MGAT4C: variants seen among roughly 807,000 people sequenced by gnomAD.
MGAT4C encodes the protein alpha-1,3-mannosyl-glycoprotein 4-beta-N-acetylglucosaminyltransferase C.
A neutral mutation model predicts 40.1 loss-of-function variants in MGAT4C; 19 were observed. The ratio of observed to expected loss-of-function variants is 0.47; its 90% confidence interval spans 0.33 to 0.70. MGAT4C has a LOEUF of 0.70. Ranked by LOEUF, MGAT4C falls within the 30% of genes least tolerant of loss-of-function variation. The pLI is 0.02. For missense variants in MGAT4C, 491 were observed against 563.2 expected, an observed-to-expected ratio of 0.87 and a Z score of 1.30; for synonymous variants, 181 against 187.1, an observed-to-expected ratio of 0.97 and a Z score of 0.27.
chr12:86,477,009 A>G lies in MGAT4C; in HGVS notation c.-228-41744T>C, dbSNP rs75028860. Among the ~76,000 whole-genome samples, 18 of 152,204 alleles carry G rather than the reference A, an allele frequency of 1.2e-4. No homozygotes were observed. The East Asian group carries it at 2.9e-3, about 25-fold the overall frequency. On this transcript the variant is annotated intron_variant, in intron 2 of 7. Coordinates refer to the MGAT4C transcript ENST00000548651. ...GACCATCTGGGTGATGGAACCATCC[A>G]TATCACAAACCTCAGCATCATGCAA... is the stretch of plus-strand genomic sequence containing the variant.
At chr12:86,135,062 T>C (rs1422093615) in intron 1 of MGAT4C, among the ~76,000 whole-genome samples, 1 of 152,142 alleles carries the variant, frequency 6.6e-6, no homozygotes, top group Admixed American at 6.5e-5. Context: ...TGAAATGCCA[T>C]TGAACTATAC....
At chr12:86,077,072 G>C (rs1315619569) in intron 1 of MGAT4C, among the ~76,000 whole-genome samples, 1 of 151,942 alleles carries the variant, frequency 6.6e-6, no homozygotes, top group Non-Finnish European at 1.5e-5. Context: ...ATTAAGGGTG[G>C]GTCTGCCTTT....
chr12:86,668,343 T>A (rs1196587217), intron 2 of MGAT4C, among the ~76,000 whole-genome samples: 1 of 152,176 alleles, frequency 6.6e-6, no homozygotes, highest in Non-Finnish European at 1.5e-5. Flanking sequence ...AGATAAAAGT[T>A]AGTGAAGTCC....
intron 1 of MGAT4C, among the ~76,000 whole-genome samples, chr12:86,055,855 A>G (rs1893336285): frequency 6.6e-6 from 1 of 152,104 alleles, no homozygotes; most frequent in East Asian, 1.9e-4. Context: ...TCTCTCTTTC[A>G]GCCTCAGCTC....
intron 2 of MGAT4C, among the ~76,000 whole-genome samples, chr12:86,626,474 C>G (rs977896620): frequency 1.3e-5 from 2 of 152,064 alleles, no homozygotes; most frequent in African/African-American, 4.8e-5. Context: ...ACAACTTATG[C>G]TGTTGTAGTT....
At chr12:86,645,949 T>C (rs1019830967) in intron 2 of MGAT4C, among the ~76,000 whole-genome samples, 1 of 151,902 alleles carries the variant, frequency 6.6e-6, no homozygotes, top group Non-Finnish European at 1.5e-5. Context: ...AATTAATCTA[T>C]ATATTCAGTA....
intron 2 of MGAT4C, among the ~76,000 whole-genome samples, chr12:86,502,626 TATATGATTTCTGCTCATATATATAC>T (rs1481473537): frequency 2.5e-4 from 37 of 149,332 alleles, no homozygotes; most frequent in South Asian, 8.6e-4. Flanking sequence ...TGTATATATA[TATATGATTTCTGCTCATATATATAC>T]ATGATTTCTG....
intron 1 of MGAT4C, among the ~76,000 whole-genome samples, chr12:86,132,791 C>CAAAAAAAAAAAAAAA (rs60321690): frequency 7.5e-5 from 7 of 93,728 alleles, no homozygotes; most frequent in Non-Finnish European, 1.0e-4. Flanking sequence ...GACTCCGTCT[C>CAAAAAAAAAAAAAAA]AAAAAAAAAA....
At chr12:86,079,711 A>G (rs1214430854) in intron 1 of MGAT4C, among the ~76,000 whole-genome samples, 2 of 151,894 alleles carry the variant, frequency 1.3e-5, no homozygotes, top group African/African-American at 2.4e-5. Context: ...AAGTTTAACA[A>G]TAATGTATAT....
rs140639391 is a variant in MGAT4C, at chr12:86,377,605, A to G, written c.-119-43478T>C. On this transcript the variant is annotated intron_variant, in intron 3 of 7. Coordinates refer to the MGAT4C transcript ENST00000548651. Reference sequence around the variant, plus strand: ...TTTTAACAGTGACACACTTAAGAATATACTTAGACTTTTTCATCCCTTTGA... The same window carrying G: ...TTTTAACAGTGACACACTTAAGAATGTACTTAGACTTTTTCATCCCTTTGA... Among the ~76,000 whole-genome samples, 458 of 152,324 alleles carry G rather than the reference A, an allele frequency of 3.0e-3. 1 individual carries two copies. Among genetic ancestry groups the G allele is most frequent in the African/African-American group, 0.01 (428 of 41,578 alleles).
At chr12:86,636,857 T>C (rs1963233992) in intron 2 of MGAT4C, among the ~76,000 whole-genome samples, 1 of 152,024 alleles carries the variant, frequency 6.6e-6, no homozygotes, top group Admixed American at 6.6e-5. Context: ...ATTTACATGG[T>C]CAATATTATA....
chr12:86,557,090 A>AT (rs1489853415), intron 2 of MGAT4C, among the ~76,000 whole-genome samples: 1 of 152,148 alleles, frequency 6.6e-6, no homozygotes, highest in Non-Finnish European at 1.5e-5. Flanking sequence ...AATTTTCTTC[A>AT]TTGTTTTTAT....
At chr12:86,194,611 T>C (rs1949726497) in intron 1 of MGAT4C, among the ~76,000 whole-genome samples, 1 of 150,494 alleles carries the variant, frequency 6.6e-6, no homozygotes, top group Non-Finnish European at 1.5e-5. Context: ...CCTGGCACCA[T>C]GCCCAACTAA....
At chr12:86,286,001 T>A (rs1763872558) in intron 4 of MGAT4C, among the ~76,000 whole-genome samples, 1 of 152,068 alleles carries the variant, frequency 6.6e-6, no homozygotes, top group Admixed American at 6.6e-5. Context: ...AAATAATTAT[T>A]TATTTTAAGG....
intron 1 of MGAT4C, among the ~76,000 whole-genome samples, chr12:86,148,001 C>T (rs1046261846): frequency 4.0e-5 from 6 of 151,502 alleles, no homozygotes; most frequent in Non-Finnish European, 5.9e-5. Flanking sequence ...GAGAGTAAAA[C>T]GAAGAAGAGA....
chr12:86,183,743 A>T (rs560932838), intron 1 of MGAT4C, among the ~76,000 whole-genome samples: 2 of 152,114 alleles, frequency 1.3e-5, no homozygotes, highest in Non-Finnish European at 2.9e-5. Context: ...TGACCTTACC[A>T]TGCTGTATGC....
intron 2 of MGAT4C, among the ~76,000 whole-genome samples, chr12:86,713,429 T>C (rs1018221522): frequency 6.6e-6 from 1 of 152,102 alleles, no homozygotes; most frequent in Non-Finnish European, 1.5e-5. Context: ...CATTCATCTT[T>C]TTGGGTTCTC....
intron 1 of MGAT4C, among the ~76,000 whole-genome samples, chr12:86,223,711 G>A (rs930553299): frequency 1.3e-5 from 2 of 152,120 alleles, no homozygotes; most frequent in African/African-American, 4.8e-5. Flanking sequence ...CCATCCAGGG[G>A]CCTAGAAGTT....
intron 2 of MGAT4C, among the ~76,000 whole-genome samples, chr12:86,672,266 A>G (rs1203224165): frequency 6.6e-6 from 1 of 152,132 alleles, no homozygotes; most frequent in African/African-American, 2.4e-5. Context: ...ACCAAAATCA[A>G]TAGGATACAG....
Sources: gnomAD v4.1 joint callset for allele counts (sites outside exome capture counted in the v4.1 genomes callset) on GRCh38, gnomAD v4.1.1 for gene constraint, MANE v1.5 for transcripts, NCBI Gene and HGNC (gene_info 2026-07-23, HGNC 2026-07-21) for gene names.